Variants in SUGCT observed in about 807,000 individuals in gnomAD.
SUGCT encodes the protein succinyl-CoA:glutarate-CoA transferase.
SUGCT carries 41 observed loss-of-function variants against 55.0 expected under a neutral mutation model. That is an observed-to-expected ratio of 0.74 (90% CI 0.58 to 0.97). The LOEUF (loss-of-function observed/expected upper bound fraction) is 0.97. SUGCT is among the 50% of genes least tolerant of loss of function. The pLI, the probability that SUGCT is intolerant of heterozygous loss-of-function variation, is 0.00. For synonymous variants in SUGCT, 187 were observed against 200.4 expected (o/e 0.93, Z 0.56); for missense variants, 568 against 547.8 (o/e 1.04, Z -0.37).
intron 8 of SUGCT, among the ~76,000 whole-genome samples, chr7:40,313,183 T>C (rs1562670198): frequency 1.3e-5 from 2 of 152,218 alleles, no homozygotes; most frequent in Non-Finnish European, 2.9e-5. Flanking sequence ...CAAAGTTGAC[T>C]TTTTTGTTTA....
the SUGCT span, among the ~76,000 whole-genome samples, chr7:40,871,103 C>T: frequency 1.3e-4 from 20 of 152,182 alleles, no homozygotes; most frequent in South Asian, 2.1e-4. Context: ...GAATACTAGA[C>T]GTGCTAATTG....
chr7:40,288,941 A>T lies in SUGCT; in HGVS notation c.720+14285A>T, dbSNP rs527267905. ...TAGAATAGTCTTAGAACACAGAAGAATGGGCTGATGCTTTGAAATTTCAGT... is the reference window on the plus strand; with the variant it reads ...TAGAATAGTCTTAGAACACAGAAGATTGGGCTGATGCTTTGAAATTTCAGT... On this transcript the variant is annotated intron_variant, in intron 8 of 13. Transcript: ENST00000335693. Among the ~76,000 whole-genome samples, 5 of 152,294 alleles carry T rather than the reference A, an allele frequency of 3.3e-5. No individual in the cohort carries two copies. The South Asian group carries it at 1.0e-3, about 32-fold the overall frequency.
intron 1 of SUGCT, among the ~76,000 whole-genome samples, chr7:40,177,497 G>A (rs1423128348): frequency 1.3e-5 from 2 of 152,006 alleles, no homozygotes; most frequent in African/African-American, 4.8e-5. Flanking sequence ...GTTAAATTAC[G>A]TTTGTTTAAA....
intron 12 of SUGCT, among the ~76,000 whole-genome samples, chr7:40,691,323 T>G (rs1345502487): frequency 2.0e-5 from 3 of 152,016 alleles, no homozygotes; most frequent in African/African-American, 7.3e-5. Flanking sequence ...TTTTTTTTTT[T>G]GCCTTTAGTA....
At chr7:40,233,999 T>A (rs750793481) in intron 6 of SUGCT, among the ~76,000 whole-genome samples, 1 of 152,234 alleles carries the variant, frequency 6.6e-6, no homozygotes, top group Non-Finnish European at 1.5e-5. Context: ...TCCTTTTCTC[T>A]TTAATAGAAA....
At position 40,237,633 on chromosome 7, in the gene SUGCT, A is replaced by G; in HGVS notation, c.485-2A>G. On this transcript the variant is annotated splice_acceptor_variant, in intron 6 of 13. Coordinates refer to ENST00000335693, the MANE Select transcript of SUGCT (RefSeq NM_001193313.2). LOFTEE classifies it high-confidence loss of function. ...TGAATATGTTTATTTTTGTTGTTTT[A>G]GGGTATGGTCAGACAGGTCCAATTT... 6.2e-7 allele frequency: 1 copy of G among 1,613,448 alleles called. No homozygotes were observed. The highest frequency in any genetic ancestry group is 1.1e-5 in the South Asian group (1 of 91,070).
At chr7:40,235,632 A>T (rs1788970922) in intron 6 of SUGCT, among the ~76,000 whole-genome samples, 1 of 152,204 alleles carries the variant, frequency 6.6e-6, no homozygotes, top group South Asian at 2.1e-4. Context: ...CAGCCAAAAA[A>T]TTATTTTTAT....
At chr7:40,666,390 G>GGAAA (rs1225074512) in intron 12 of SUGCT, among the ~76,000 whole-genome samples, 17 of 138,456 alleles carry the variant, frequency 1.2e-4, no homozygotes, top group African/African-American at 1.9e-4. Context: ...AAGGAAGGAA[G>GGAAA]GAAAGAAAGA....
chr7:40,663,485 ATGTGTG>A lies in SUGCT; in HGVS notation c.1090-85917_1090-85912del, dbSNP rs59033010. Among the ~76,000 whole-genome samples the A allele has an allele frequency of 5.3e-3, 718 of 135,038 alleles. 5 individuals are homozygous for A. Among genetic ancestry groups the A allele is most frequent in the Non-Finnish European group, 5.7e-3 (346 of 60,916 alleles). 88.6% of individuals were successfully genotyped at this position (135,038 alleles called of 152,430 possible). A position where few individuals can be genotyped will look rare whatever the true frequency, so the allele number is the denominator to read the frequency against. ...TATTCACCAAATTACTTTGTGGTGT[ATGTGTG>A]TGTGTGTGTGTGTGTGTGTGTGTGT... On this transcript the variant is annotated intron_variant, in intron 12 of 13. Coordinates refer to ENST00000335693, the MANE Select transcript of SUGCT (RefSeq NM_001193313.2).
At chr7:40,803,318 G>C (rs914840621) in intron 13 of SUGCT, among the ~76,000 whole-genome samples, 44 of 152,150 alleles carry the variant, frequency 2.9e-4, no homozygotes, top group African/African-American at 1.0e-3. Context: ...AGTCCTTCAT[G>C]GATATTGTTC....
At chr7:40,429,563 C>T (rs568388370) in intron 9 of SUGCT, among the ~76,000 whole-genome samples, 6 of 152,152 alleles carry the variant, frequency 3.9e-5, no homozygotes, top group Middle Eastern at 3.4e-3. Flanking sequence ...ACTTGGAGTC[C>T]GATGTTTGAC....
chr7:40,488,631 C>A (rs540401542), intron 11 of SUGCT, among the ~76,000 whole-genome samples: 7 of 152,186 alleles, frequency 4.6e-5, no homozygotes, highest in Non-Finnish European at 8.8e-5. Context: ...GCTTGAAGAA[C>A]GATCTTTAGC....
intron 10 of SUGCT, among the ~76,000 whole-genome samples, chr7:40,458,568 T>G (rs866174177): frequency 6.6e-6 from 1 of 152,224 alleles, no homozygotes; most frequent in African/African-American, 2.4e-5. Context: ...TGCTTTTACT[T>G]TATTTTAGCA....
At chr7:40,918,024 A>G in the SUGCT span, among the ~76,000 whole-genome samples, 1 of 152,152 alleles carries the variant, frequency 6.6e-6, no homozygotes, top group African/African-American at 2.4e-5. Context: ...GGCACTTTCC[A>G]TTGGAGAAAA....
intron 5 of SUGCT, among the ~76,000 whole-genome samples, chr7:40,193,595 A>T (rs78147606): frequency 2.5e-4 from 38 of 150,362 alleles, no homozygotes; most frequent in East Asian, 6.0e-4. Flanking sequence ...CAATTTATTT[A>T]AAAAAGATTT....
chr7:40,907,529 T>G, the SUGCT span, among the ~76,000 whole-genome samples: 1 of 152,212 alleles, frequency 6.6e-6, no homozygotes, highest in South Asian at 2.1e-4. Flanking sequence ...GTTACTGGTT[T>G]TATATGCATT....
intron 6 of SUGCT, among the ~76,000 whole-genome samples, chr7:40,236,390 T>C (rs1789010728): frequency 8.1e-6 from 1 of 123,646 alleles, no homozygotes; most frequent in South Asian, 2.5e-4. Flanking sequence ...GCATCAGGAC[T>C]GAGGGGAGTA....
intron 11 of SUGCT, among the ~76,000 whole-genome samples, chr7:40,465,754 A>C (rs978889795): frequency 6.6e-6 from 1 of 152,206 alleles, no homozygotes; most frequent in Non-Finnish European, 1.5e-5. Context: ...GAGCAATTGT[A>C]ACTTCAAAGG....
chr7:40,604,080 G>C (rs138553032), intron 12 of SUGCT, among the ~76,000 whole-genome samples: 121 of 151,806 alleles, frequency 8.0e-4, no homozygotes, highest in African/African-American at 2.9e-3. Context: ...GCATAGGAGT[G>C]GGGGAGGTTC....
Sources: gnomAD v4.1 joint callset for allele counts (sites outside exome capture counted in the v4.1 genomes callset) on GRCh38, gnomAD v4.1.1 for gene constraint, MANE v1.5 for transcripts, NCBI Gene and HGNC (gene_info 2026-07-23, HGNC 2026-07-21) for gene names.